The following JAK1 variants were observed in gnomAD, a reference collection of about 807,000 sequenced individuals.
JAK1 encodes Janus kinase 1.
JAK1 carries 16 observed loss-of-function variants against 136.6 expected under a neutral mutation model. That is an observed-to-expected ratio of 0.12 (90% CI 0.08 to 0.18). The LOEUF is 0.18. JAK1 is among the 10% of genes least tolerant of loss of function. The probability of loss-of-function intolerance (pLI) is 1.00; values close to 1 mark genes in which losing one functional copy is unlikely to be tolerated. For missense variants in JAK1, 859 were observed against 1,450.1 expected, an observed-to-expected ratio of 0.59 and a Z score of 6.62; for synonymous variants, 492 against 519.5, an observed-to-expected ratio of 0.95 and a Z score of 0.72.
chr1:64,872,460 T>C (rs569658800), intron 5 of JAK1, among the ~76,000 whole-genome samples: 1 of 152,332 alleles, frequency 6.6e-6, no homozygotes, highest in African/African-American at 2.4e-5. Flanking sequence ...AACCCCCCTG[T>C]CCATATTCTC....
rs1006840751 is a variant in JAK1 at position 64,850,700 on chromosome 1, C to T, written c.1755+104G>A. The T allele has an allele frequency of 5.3e-6, 4 of 761,560 alleles. No homozygotes were observed. The South Asian group carries it at 6.1e-5, about 12-fold the overall frequency. The allele number at this position is 761,560 out of a possible 1,614,324, so 47.2% of individuals were successfully genotyped here. A position where few individuals can be genotyped will look rare whatever the true frequency, so the allele number is the denominator to read the frequency against. On this transcript the variant is annotated intron_variant, in intron 12 of 24. Transcript: ENST00000342505. Reference sequence around the variant, plus strand: ...GGAAAGTCTCCCTGTTCTTTTTCTACTAAGATTTCCCCAAACACAGCCTTC... The same window carrying T: ...GGAAAGTCTCCCTGTTCTTTTTCTATTAAGATTTCCCCAAACACAGCCTTC...
intron 19 of JAK1, among the ~76,000 whole-genome samples, chr1:64,841,013 T>C (rs1036122697): frequency 6.6e-6 from 1 of 152,140 alleles, no homozygotes; most frequent in African/African-American, 2.4e-5. Context: ...CCCGTGTGCA[T>C]ACACAGTCGT....
chr1:64,970,311 G>A (rs1446393143), upstream of JAK1, among the ~76,000 whole-genome samples: 3 of 151,278 alleles, frequency 2.0e-5, no homozygotes, highest in East Asian at 5.8e-4. Flanking sequence ...CATGGTGGTG[G>A]GCACCTGTAA....
At chr1:65,033,065 T>C (rs1647037478) in intron 2 of JAK1, among the ~76,000 whole-genome samples, 1 of 152,192 alleles carries the variant, frequency 6.6e-6, no homozygotes, top group East Asian at 1.9e-4. Flanking sequence ...TTCCTCCTTC[T>C]TGCCTGGAAC....
intron 1 of JAK1, among the ~76,000 whole-genome samples, chr1:64,918,917 CT>C (rs1404734059): frequency 5.9e-5 from 9 of 151,988 alleles, no homozygotes; most frequent in Non-Finnish European, 1.3e-4. Context: ...ATGGCAGCAA[CT>C]TTTTTTTCGA....
intron 1 of JAK1, among the ~76,000 whole-genome samples, chr1:64,893,927 C>G (rs1198803571): frequency 1.3e-5 from 2 of 152,200 alleles, no homozygotes; most frequent in Non-Finnish European, 2.9e-5. Context: ...CTAAATTTTA[C>G]TATTTGTGTC....
rs1654335841 is a variant in JAK1 at position 64,834,417 on chromosome 1, A to G, written c.*145T>C. ...TTAAGCACTACAGTGTGCCTTATAC[A>G]TGTATATGTACTGAAGTATGAGTTC... On this transcript the variant is annotated 3_prime_UTR_variant, in exon 25 of 25. Coordinates refer to ENST00000342505, the MANE Select transcript of JAK1 (RefSeq NM_002227.4). 6 of 603,810 alleles carry G rather than the reference A, an allele frequency of 9.9e-6. No individual in the cohort carries two copies. The South Asian group carries it at 1.2e-4, about 13-fold the overall frequency. The allele number at this position is 603,810 out of a possible 1,614,324, so 37.4% of individuals were successfully genotyped here.
intron 1 of JAK1, among the ~76,000 whole-genome samples, chr1:64,951,887 G>C (rs1473067326): frequency 1.3e-5 from 2 of 151,966 alleles, no homozygotes; most frequent in Non-Finnish European, 2.9e-5. Context: ...CTCGAATCCT[G>C]ACCTCGTGAT....
chr1:64,954,052 A>G (rs1252942833), intron 1 of JAK1, among the ~76,000 whole-genome samples: 2 of 152,166 alleles, frequency 1.3e-5, no homozygotes, highest in East Asian at 3.8e-4. Context: ...AGGACCTAAA[A>G]CTGCTTCAAA....
At chr1:65,056,537 T>G (rs1456874581) in intron 1 of JAK1, among the ~76,000 whole-genome samples, 2 of 152,242 alleles carry the variant, frequency 1.3e-5, no homozygotes. Flanking sequence ...TTCCCCATTG[T>G]GTCCCAGTGG....
chr1:65,014,980 C>T (rs549413530), intron 2 of JAK1, among the ~76,000 whole-genome samples: 133 of 152,128 alleles, frequency 8.7e-4, no homozygotes, highest in African/African-American at 3.0e-3. Context: ...CCACCGCGCC[C>T]GGCCCATATT....
chr1:64,882,345 G>A (rs1445998863), intron 3 of JAK1, among the ~76,000 whole-genome samples: 3 of 152,204 alleles, frequency 2.0e-5, no homozygotes, highest in Non-Finnish European at 2.9e-5. Flanking sequence ...GGTGGGATAA[G>A]TAAAGTAGGG....
intron 1 of JAK1, among the ~76,000 whole-genome samples, chr1:64,938,933 T>C (rs915292434): frequency 6.6e-6 from 1 of 152,184 alleles, no homozygotes; most frequent in Non-Finnish European, 1.5e-5. Context: ...ATAATTAAAA[T>C]ACTTAATTAA....
chr1:65,036,244 G>A (rs1647073114), intron 2 of JAK1, among the ~76,000 whole-genome samples: 1 of 151,922 alleles, frequency 6.6e-6, no homozygotes, highest in Admixed American at 6.6e-5. Context: ...ACCAGCCTGG[G>A]CAAAATAGTG....
chr1:64,871,289 G>A (rs932084751), intron 5 of JAK1, among the ~76,000 whole-genome samples: 3 of 152,146 alleles, frequency 2.0e-5, no homozygotes, highest in Non-Finnish European at 1.5e-5. Flanking sequence ...ATACTGATAC[G>A]TGTGTGATCT....
chr1:64,899,175 G>A (rs979239939), intron 1 of JAK1, among the ~76,000 whole-genome samples: 2 of 152,084 alleles, frequency 1.3e-5, no homozygotes, highest in Admixed American at 6.5e-5. Flanking sequence ...AGTGACTTGT[G>A]AAAGATCACA....
intron 2 of JAK1, among the ~76,000 whole-genome samples, chr1:65,011,732 T>C (rs1216322928): frequency 6.6e-6 from 1 of 152,070 alleles, no homozygotes; most frequent in Non-Finnish European, 1.5e-5. Flanking sequence ...ATTGAGGAAG[T>C]AGAATGTCTG....
intron 1 of JAK1, among the ~76,000 whole-genome samples, chr1:64,919,719 T>A (rs1029565915): frequency 2.6e-5 from 4 of 152,190 alleles, no homozygotes; most frequent in Non-Finnish European, 5.9e-5. Flanking sequence ...ATTTGCCAAT[T>A]TGTGCCATTA....
intron 13 of JAK1, 111 bp downstream of exon 13, chr1:64,847,421 T>C: frequency 7.4e-7 from 1 of 1,350,528 alleles, no homozygotes; most frequent in Non-Finnish European, 1.0e-6. Flanking sequence ...AAAAGGCAAG[T>C]TTGAAAACCA....
Sources: allele counts gnomAD v4.1 joint callset (sites outside exome capture counted in the v4.1 genomes callset), GRCh38; gene constraint gnomAD v4.1.1; transcripts MANE v1.5; gene names NCBI Gene and HGNC (gene_info 2026-07-23, HGNC 2026-07-21).